The following WARS2 variants were observed in gnomAD, a reference collection of about 807,000 sequenced individuals.
WARS2 encodes the protein tryptophan--tRNA ligase, mitochondrial.
Under a neutral mutation model 36.5 loss-of-function variants are expected in WARS2, and 28 were observed. The observed-to-expected ratio is 0.77, with a 90% CI of 0.57 to 1.05. The LOEUF is 1.05. WARS2 is among the 50% of genes least tolerant of loss of function. The probability of loss-of-function intolerance (pLI) is 0.00; values close to 1 mark genes in which losing one functional copy is unlikely to be tolerated. For missense variants in WARS2, 435 were observed against 456.8 expected, an observed-to-expected ratio of 0.95 and a Z score of 0.44; for synonymous variants, 174 against 178.4, an observed-to-expected ratio of 0.98 and a Z score of 0.20.
At chr1:119,091,774 G>A (rs1202130879) in intron 1 of WARS2, among the ~76,000 whole-genome samples, 1 of 152,156 alleles carries the variant, frequency 6.6e-6, no homozygotes, top group Non-Finnish European at 1.5e-5. Context: ...AATCACTGCT[G>A]ACATGTGCAA....
Position 119,042,323 on chromosome 1 carries a change from A to G in WARS2, c.456T>C (p.Asp152=). The G allele has an allele frequency of 1.2e-6, 2 of 1,613,914 alleles. No individual in the cohort carries two copies. Among genetic ancestry groups the G allele is most frequent in the South Asian group, 1.1e-5 (1 of 91,064 alleles). Residue 152 remains aspartate (D), a synonymous_variant, in exon 4 of 6, where the codon GAT becomes GAC. Coordinates refer to ENST00000235521, the MANE Select transcript of WARS2 (RefSeq NM_015836.4). ...WKAKTTKQKH[D]GTVGLLTYPV... ...GGTATGTGAGCAGGCCCACCGTGCC[A>G]TCGTGCTTCTGCTTGGTAGTCTTTG... is the stretch of plus-strand genomic sequence containing the variant.
chr1:119,118,487 A>G (rs181210407), intron 1 of WARS2, among the ~76,000 whole-genome samples: 6 of 152,274 alleles, frequency 3.9e-5, no homozygotes, highest in African/African-American at 1.4e-4. Context: ...AGAGCAATCT[A>G]AAAGTTATGC....
intron 2 of WARS2, among the ~76,000 whole-genome samples, chr1:119,052,902 A>G (rs1041852558): frequency 1.3e-5 from 2 of 152,234 alleles, no homozygotes; most frequent in African/African-American, 4.8e-5. Context: ...TGTCAGAAGG[A>G]AAAAGAGCAA....
At chr1:119,104,019 A>G (rs1481486934) in intron 1 of WARS2, among the ~76,000 whole-genome samples, 2 of 151,184 alleles carry the variant, frequency 1.3e-5, no homozygotes, top group Non-Finnish European at 3.0e-5. Context: ...GAATCTCACT[A>G]TATTGCTCAG....
intron 1 of WARS2, among the ~76,000 whole-genome samples, chr1:119,105,229 T>C (rs1017768142): frequency 2.6e-4 from 39 of 152,154 alleles, no homozygotes; most frequent in African/African-American, 8.7e-4. Context: ...TAAGGATTAA[T>C]TGGTAAAACT....
At chr1:119,061,729 G>A (rs907181091) in intron 2 of WARS2, among the ~76,000 whole-genome samples, 1 of 151,746 alleles carries the variant, frequency 6.6e-6, no homozygotes, top group Non-Finnish European at 1.5e-5. Context: ...CTGATCTAAT[G>A]GATTCTATTA....
chr1:119,047,141 A>G (rs1012587569), intron 2 of WARS2, among the ~76,000 whole-genome samples: 4 of 152,258 alleles, frequency 2.6e-5, no homozygotes, highest in African/African-American at 9.6e-5. Context: ...TGCTGTAAAC[A>G]AATAGCTATC....
At chr1:119,092,879 C>T (rs945066129) in intron 1 of WARS2, among the ~76,000 whole-genome samples, 5 of 152,172 alleles carry the variant, frequency 3.3e-5, no homozygotes, top group Non-Finnish European at 4.4e-5. Context: ...GGATGTTTCT[C>T]AATACAATTT....
chr1:119,066,521 T>C (rs1350906814), intron 2 of WARS2, among the ~76,000 whole-genome samples: 2 of 103,394 alleles, frequency 1.9e-5, no homozygotes, highest in African/African-American at 7.4e-5. Context: ...AACTGAAAAA[T>C]GATAATGTAT....
Position 119,140,595 on chromosome 1 carries a change from C to G in WARS2, c.50G>C (p.Arg17Pro), listed in dbSNP as rs1325238951. Residue 17 changes from arginine (R) to proline (P), a missense_variant, in exon 1 of 6, where the codon CGG (arginine) becomes CCG (proline). Arg to Pro is a moderately radical substitution (Grantham distance 103). Coordinates refer to ENST00000235521, the MANE Select transcript of WARS2 (RefSeq NM_015836.4). ...AGCTGCGGATCCCTTATGAAGTGCCCGGATGAAGCTCCAGCGCTCACGCGC... is the reference window on the plus strand; with the variant it reads ...AGCTGCGGATCCCTTATGAAGTGCCGGGATGAAGCTCCAGCGCTCACGCGC... ...RKARERWSFIRALHKGSAAAP... is the reference protein window; with the variant it reads ...RKARERWSFIPALHKGSAAAP... 1.9e-6 allele frequency: 3 copies of G among 1,613,890 alleles called. No individual in the cohort carries two copies. The highest frequency in any genetic ancestry group is 1.1e-5 in the South Asian group (1 of 91,036).
chr1:119,056,189 T>G (rs34248453), intron 2 of WARS2, among the ~76,000 whole-genome samples: 1 of 144,988 alleles, frequency 6.9e-6, no homozygotes, highest in African/African-American at 2.5e-5. Flanking sequence ...CTGGCTAATT[T>G]TTTTTTTTTT....
chr1:119,134,249 G>A (rs1557762690), intron 1 of WARS2, among the ~76,000 whole-genome samples: 1 of 137,920 alleles, frequency 7.3e-6, no homozygotes, highest in East Asian at 2.5e-4. Context: ...ATGTAGAAGT[G>A]GAAGTTGTAA....
intron 1 of WARS2, among the ~76,000 whole-genome samples, chr1:119,088,435 AACACACACACACAC>A (rs113752727): frequency 1.3e-5 from 2 of 149,152 alleles, no homozygotes; most frequent in Non-Finnish European, 3.0e-5. Context: ...GAAACACTGA[AACACACACACACAC>A]ACACACACAC....
intron 1 of WARS2, among the ~76,000 whole-genome samples, chr1:119,079,366 G>T (rs778981154): frequency 1.3e-5 from 2 of 151,720 alleles, no homozygotes; most frequent in African/African-American, 4.8e-5. Context: ...CCCTTTATAC[G>T]TATCAATATA....
intron 1 of WARS2, among the ~76,000 whole-genome samples, chr1:119,099,337 T>A (rs1226153562): frequency 6.6e-6 from 1 of 151,838 alleles, no homozygotes; most frequent in Non-Finnish European, 1.5e-5. Context: ...TGTGTTTAGG[T>A]TTTTTAATCC....
At chr1:119,109,895 T>C (rs1184670383) in intron 1 of WARS2, among the ~76,000 whole-genome samples, 2 of 151,858 alleles carry the variant, frequency 1.3e-5, no homozygotes, top group East Asian at 3.8e-4. Flanking sequence ...GCATATCTAT[T>C]ACACTTTTTT....
intron 4 of WARS2, among the ~76,000 whole-genome samples, chr1:119,041,686 T>C (rs1237453114): frequency 1.3e-5 from 2 of 152,186 alleles, no homozygotes; most frequent in African/African-American, 4.8e-5. Flanking sequence ...AAGATTTCCA[T>C]AAACACAGAG....
intron 2 of WARS2, among the ~76,000 whole-genome samples, chr1:119,051,519 C>T (rs959023202): frequency 5.3e-5 from 8 of 152,004 alleles, no homozygotes; most frequent in Non-Finnish European, 5.9e-5. Context: ...TGTATCTTTA[C>T]GGTAGAACGA....
chr1:119,050,224 G>A (rs1037623767), intron 2 of WARS2, among the ~76,000 whole-genome samples: 5 of 152,108 alleles, frequency 3.3e-5, no homozygotes, highest in Non-Finnish European at 5.9e-5. Flanking sequence ...GCTTTTCTCT[G>A]ATAGGAATTG....
Sources: allele counts gnomAD v4.1 joint callset (sites outside exome capture counted in the v4.1 genomes callset), GRCh38; gene constraint gnomAD v4.1.1; transcripts MANE v1.5; gene names NCBI Gene and HGNC (gene_info 2026-07-23, HGNC 2026-07-21).